Variants in SYT6 observed in about 807,000 individuals in gnomAD.
SYT6 encodes the protein synaptotagmin 6, also known as synaptotagmin-6.
Under a neutral mutation model 38.4 loss-of-function variants are expected in SYT6, and 24 were observed. The ratio of observed to expected loss-of-function variants is 0.62; its 90% confidence interval spans 0.45 to 0.88. SYT6 has a LOEUF of 0.88. SYT6 is among the 40% of genes least tolerant of loss of function. SYT6 has a pLI of 0.00. For synonymous variants in SYT6, 265 were observed against 241.9 expected (o/e 1.10, Z -0.89); for missense variants, 611 against 621.0 (o/e 0.98, Z 0.17).
rs944727799 is a variant in SYT6, at chr1:114,090,836, A to G, written c.*1298T>C. The G allele has an allele frequency of 2.6e-5, 4 of 152,654 alleles. No individual in the cohort carries two copies. The highest frequency in any genetic ancestry group is 2.1e-4 in the South Asian group (1 of 4,830). 9.5% of individuals were successfully genotyped at this position (152,654 alleles called of 1,614,324 possible). The stretch of plus-strand genomic sequence containing the variant: ...GCTATTACAACACAGAATAGTTCAA[A>G]CAATTTTTTTTTTCCTAAACTGAGT... On this transcript the variant is annotated 3_prime_UTR_variant, in exon 8 of 8. Coordinates refer to ENST00000610222, the MANE Select transcript of SYT6 (RefSeq NM_001253772.2).
chr1:114,105,839 T>A (rs1676275621), intron 3 of SYT6, among the ~76,000 whole-genome samples: 1 of 151,944 alleles, frequency 6.6e-6, no homozygotes, highest in Admixed American at 6.5e-5. Flanking sequence ...AAGGGAACCC[T>A]CACCCTTCTG....
intron 4 of SYT6, among the ~76,000 whole-genome samples, chr1:114,102,001 G>A (rs770191368): frequency 6.6e-6 from 1 of 152,162 alleles, no homozygotes; most frequent in Non-Finnish European, 1.5e-5. Context: ...GTGAAAGGGA[G>A]GTTAGAACTT....
At chr1:114,118,807 G>T (rs576002544) in intron 3 of SYT6, among the ~76,000 whole-genome samples, 1 of 152,168 alleles carries the variant, frequency 6.6e-6, no homozygotes, top group Non-Finnish European at 1.5e-5. Context: ...ATCTCCTGTC[G>T]GTGTCAGCTG....
chr1:114,134,575 G>A (rs976486962), intron 3 of SYT6, among the ~76,000 whole-genome samples: 3 of 152,242 alleles, frequency 2.0e-5, no homozygotes, highest in African/African-American at 7.2e-5. Context: ...GGGAGAGGCA[G>A]CTGCTGTGAG....
At chr1:114,130,948 G>T (rs114156380) in intron 3 of SYT6, among the ~76,000 whole-genome samples, 1,963 of 152,320 alleles carry the variant, frequency 0.013, 47 homozygotes, top group African/African-American at 0.044. Flanking sequence ...TCAATTAGCT[G>T]ATTCTTTGGC....
intron 3 of SYT6, among the ~76,000 whole-genome samples, chr1:114,133,714 G>A (rs551838827): frequency 6.6e-6 from 1 of 152,316 alleles, no homozygotes; most frequent in South Asian, 2.1e-4. Flanking sequence ...AATGCACGAG[G>A]CCTCCGACTG....
intron 1 of SYT6, among the ~76,000 whole-genome samples, chr1:114,146,125 A>T (rs1415809686): frequency 1.3e-5 from 2 of 152,116 alleles, no homozygotes; most frequent in Non-Finnish European, 2.9e-5. Flanking sequence ...TTGACATCTC[A>T]CTGGCAGGCA....
intron 7 of SYT6, among the ~76,000 whole-genome samples, 200 bp downstream of exon 7, chr1:114,093,535 A>G (rs537636396): frequency 3.3e-5 from 5 of 152,232 alleles, no homozygotes; most frequent in Non-Finnish European, 7.3e-5. Flanking sequence ...GTTCTCGCAA[A>G]TAAGAAAACA....
At chr1:114,149,005 A>T (rs936375574) in intron 1 of SYT6, among the ~76,000 whole-genome samples, 1 of 152,002 alleles carries the variant, frequency 6.6e-6, no homozygotes, top group Admixed American at 6.6e-5. Flanking sequence ...TCAGGAGAGG[A>T]TGGGAGGGAT....
intron 7 of SYT6, 66 bp from the exon 8 acceptor site, chr1:114,092,148 G>C: frequency 6.8e-7 from 1 of 1,459,864 alleles, no homozygotes; most frequent in Non-Finnish European, 9.3e-7. Flanking sequence ...TTGCAAAACT[G>C]AACTGGCCCA....
chr1:114,131,802 G>A (rs753560801), intron 3 of SYT6, among the ~76,000 whole-genome samples: 1 of 152,190 alleles, frequency 6.6e-6, no homozygotes, highest in African/African-American at 2.4e-5. Context: ...GGAAATGGGG[G>A]AAAGGGTAAA....
intron 3 of SYT6, among the ~76,000 whole-genome samples, chr1:114,120,426 C>T (rs1016835035): frequency 9.9e-5 from 15 of 152,184 alleles, no homozygotes; most frequent in South Asian, 4.1e-4. Flanking sequence ...GAGGGCAGGG[C>T]GTGCACATTG....
chr1:114,123,110 G>T (rs1234017945), intron 3 of SYT6, among the ~76,000 whole-genome samples: 1 of 152,180 alleles, frequency 6.6e-6, no homozygotes, highest in Non-Finnish European at 1.5e-5. Flanking sequence ...GAGGGGCTGG[G>T]CAGGGCTCCC....
chr1:114,148,797 T>C (rs2101124980), intron 1 of SYT6, among the ~76,000 whole-genome samples: 1 of 152,294 alleles, frequency 6.6e-6, no homozygotes. Flanking sequence ...ATAAAGAAAC[T>C]AAGCATAGAG....
intron 2 of SYT6, among the ~76,000 whole-genome samples, chr1:114,139,191 C>G (rs912413570): frequency 2.0e-5 from 3 of 152,158 alleles, no homozygotes; most frequent in Non-Finnish European, 4.4e-5. Flanking sequence ...TTAAGATTCC[C>G]TTGCCTTATC....
intron 3 of SYT6, among the ~76,000 whole-genome samples, chr1:114,108,287 C>T (rs1206812916): frequency 6.6e-6 from 1 of 152,172 alleles, no homozygotes; most frequent in African/African-American, 2.4e-5. Context: ...CACTGTGCTC[C>T]CTGGCTTCCC....
At chr1:114,115,631 G>T (rs753939399) in intron 3 of SYT6, among the ~76,000 whole-genome samples, 1 of 152,036 alleles carries the variant, frequency 6.6e-6, no homozygotes, top group Admixed American at 6.6e-5. Flanking sequence ...TGGCCAGGCT[G>T]GTCTCAAACT....
At chr1:114,130,884 T>C (rs1678103402) in intron 3 of SYT6, among the ~76,000 whole-genome samples, 2 of 152,204 alleles carry the variant, frequency 1.3e-5, no homozygotes, top group Non-Finnish European at 1.5e-5. Context: ...AAACTGCTAG[T>C]CAATGAGGCT....
At chr1:114,109,519 T>C (rs1208796312) in intron 3 of SYT6, among the ~76,000 whole-genome samples, 1 of 152,198 alleles carries the variant, frequency 6.6e-6, no homozygotes, top group Non-Finnish European at 1.5e-5. Context: ...CTGTACACTG[T>C]ACAGTGGGAT....
Sources: gnomAD v4.1 joint callset for allele counts (sites outside exome capture counted in the v4.1 genomes callset) on GRCh38, gnomAD v4.1.1 for gene constraint, MANE v1.5 for transcripts, NCBI Gene and HGNC (gene_info 2026-07-23, HGNC 2026-07-21) for gene names.